Variants in CNTNAP5 observed in about 807,000 individuals in gnomAD.
The protein encoded by CNTNAP5 is contactin-associated protein-like 5.
Under a neutral mutation model 150.2 loss-of-function variants are expected in CNTNAP5, and 72 were observed. The ratio of observed to expected loss-of-function variants is 0.48; its 90% confidence interval spans 0.40 to 0.58. The LOEUF is 0.58. Ranked by LOEUF, CNTNAP5 falls within the 20% of genes least tolerant of loss-of-function variation. The pLI, the probability that CNTNAP5 is intolerant of heterozygous loss-of-function variation, is 0.00. For synonymous variants in CNTNAP5, 672 were observed against 619.8 expected, an observed-to-expected ratio of 1.08 and a Z score of -1.25; for missense variants, 1,636 against 1,626.2, an observed-to-expected ratio of 1.01 and a Z score of -0.10.
intron 1 of CNTNAP5, among the ~76,000 whole-genome samples, chr2:124,075,184 C>A (rs935213231): frequency 1.3e-5 from 2 of 152,066 alleles, no homozygotes; most frequent in African/African-American, 4.8e-5. Flanking sequence ...TGTTTCATTT[C>A]TTTATTAAAA....
chr2:124,704,539 TATATC>T, intron 13 of CNTNAP5, among the ~76,000 whole-genome samples: 1 of 152,350 alleles, frequency 6.6e-6, no homozygotes, highest in African/African-American at 2.4e-5. Context: ...CAGAATGTGT[TATATC>T]ATAGGGAAGT....
intron 3 of CNTNAP5, among the ~76,000 whole-genome samples, chr2:124,364,993 T>TA (rs1358633157): frequency 6.6e-6 from 1 of 152,110 alleles, no homozygotes; most frequent in African/African-American, 2.4e-5. Context: ...AGTTAATCAC[T>TA]AAAAAACTAT....
At chr2:124,292,148 A>G (rs1300481236) in intron 3 of CNTNAP5, among the ~76,000 whole-genome samples, 1 of 152,082 alleles carries the variant, frequency 6.6e-6, no homozygotes, top group Non-Finnish European at 1.5e-5. Context: ...GAAAAATTAC[A>G]TATTTTTTCC....
chr2:124,717,930 T>C lies in CNTNAP5; in HGVS notation c.2078-29299T>C, dbSNP rs370997720. ...TCCACAATAAAAACTAGATACCTATTATGGGCAAGGACACCTGAAGTCCAA... is the reference window on the plus strand; with the variant it reads ...TCCACAATAAAAACTAGATACCTATCATGGGCAAGGACACCTGAAGTCCAA... On this transcript the variant is annotated intron_variant, in intron 13 of 23. Transcript: ENST00000682447. 2.6e-5 allele frequency among the ~76,000 whole-genome samples: 4 copies of C among 152,182 alleles called. No individual in the cohort carries two copies. The South Asian group carries it at 6.2e-4, about 24-fold the overall frequency.
chr2:124,050,513 A>G (rs1681668412), intron 1 of CNTNAP5, among the ~76,000 whole-genome samples: 1 of 152,100 alleles, frequency 6.6e-6, no homozygotes, highest in Non-Finnish European at 1.5e-5. Flanking sequence ...TGTTAGCAAG[A>G]TCTTAGAAAG....
At chr2:124,118,193 T>A (rs981911434) in intron 1 of CNTNAP5, among the ~76,000 whole-genome samples, 3 of 152,142 alleles carry the variant, frequency 2.0e-5, no homozygotes, top group Non-Finnish European at 4.4e-5. Flanking sequence ...TCTTTTTATA[T>A]ATTTGTGTTT....
In CNTNAP5 at chr2:124,705,517, G is replaced by A. The variant is rs556037818; in HGVS notation, c.2078-41712G>A. 3.0e-4 allele frequency among the ~76,000 whole-genome samples: 45 copies of A among 149,992 alleles called. 1 individual carries two copies. The highest frequency in any genetic ancestry group is 2.4e-3 in the South Asian group (11 of 4,642). ...CACTACAGCCTGAGTGACAGAGAGA[G>A]ACTCCATCTCAAAAAAATAAAAATA... On this transcript the variant is annotated intron_variant, in intron 13 of 23. Coordinates refer to ENST00000682447, the MANE Select transcript of CNTNAP5 (RefSeq NM_001367498.1).
intron 2 of CNTNAP5, among the ~76,000 whole-genome samples, chr2:124,228,182 C>T (rs1276638974): frequency 1.3e-5 from 2 of 152,026 alleles, no homozygotes; most frequent in Non-Finnish European, 2.9e-5. Flanking sequence ...CCCAAGGACC[C>T]AAGAACCTGG....
intron 3 of CNTNAP5, among the ~76,000 whole-genome samples, chr2:124,379,205 T>C (rs969328417): frequency 1.3e-5 from 2 of 151,936 alleles, no homozygotes; most frequent in Non-Finnish European, 2.9e-5. Context: ...TCACAGTTTA[T>C]ATAAGGGTGT....
Position 124,510,265 on chromosome 2 carries a change from C to CTATATCTATATA in CNTNAP5, c.1327+5714_1327+5715insCTATATATATAT, listed in dbSNP as rs1558933173. Among the ~76,000 whole-genome samples, 859 of 86,788 alleles carry CTATATCTATATA rather than the reference C, an allele frequency of 9.9e-3. 14 individuals are homozygous for CTATATCTATATA. Among genetic ancestry groups the CTATATCTATATA allele is most frequent in the Middle Eastern group, 0.031 (6 of 192 alleles). 56.9% of individuals were successfully genotyped at this position (86,788 alleles called of 152,430 possible). On this transcript the variant is annotated intron_variant, in intron 8 of 23. Transcript: ENST00000682447. ...TATATCTATATCTATATCTATATAT[C>CTATATCTATATA]TATATATCTATATCTATATCTATAT...
intron 14 of CNTNAP5, 85 bp downstream of exon 14, chr2:124,747,470 T>A (rs1422750061): frequency 1.3e-6 from 2 of 1,504,118 alleles, no homozygotes; most frequent in Non-Finnish European, 1.8e-6. Context: ...AGGACATGGA[T>A]GAGAAATTCA....
chr2:124,185,450 G>T (rs1328809857), intron 1 of CNTNAP5, among the ~76,000 whole-genome samples: 1 of 152,152 alleles, frequency 6.6e-6, no homozygotes, highest in Non-Finnish European at 1.5e-5. Context: ...GGAAGAGCCA[G>T]AAATAAATTA....
chr2:124,785,133 A>C (rs1178546539), intron 17 of CNTNAP5, among the ~76,000 whole-genome samples: 3 of 152,122 alleles, frequency 2.0e-5, no homozygotes, highest in Non-Finnish European at 4.4e-5. Flanking sequence ...TTCTTCTAAA[A>C]TTACAGTGAA....
At chr2:124,129,284 G>T (rs982590791) in intron 1 of CNTNAP5, among the ~76,000 whole-genome samples, 1 of 152,108 alleles carries the variant, frequency 6.6e-6, no homozygotes, top group East Asian at 1.9e-4. Flanking sequence ...TTCTCCAGAG[G>T]TAGTCACACT....
At chr2:124,196,282 A>C (rs538404620) in intron 1 of CNTNAP5, among the ~76,000 whole-genome samples, 4 of 152,104 alleles carry the variant, frequency 2.6e-5, no homozygotes, top group Non-Finnish European at 4.4e-5. Flanking sequence ...ACTGGAGTGG[A>C]TTTTCAATCC....
chr2:124,139,263 A>AAC (rs3063402), intron 1 of CNTNAP5, among the ~76,000 whole-genome samples: 30,262 of 149,154 alleles, frequency 0.2, 3,031 homozygotes, highest in Middle Eastern at 0.28. Flanking sequence ...TTTCTACCCC[A>AAC]ACACACACAC....
chr2:124,028,794 T>C (rs1019147276), intron 1 of CNTNAP5, among the ~76,000 whole-genome samples: 9 of 152,168 alleles, frequency 5.9e-5, no homozygotes, highest in African/African-American at 2.2e-4. Flanking sequence ...ATACCTATTA[T>C]GTTATTCAAC....
chr2:124,349,877 T>C (rs1250765390), intron 3 of CNTNAP5, among the ~76,000 whole-genome samples: 13 of 56,718 alleles, frequency 2.3e-4, no homozygotes, highest in African/African-American at 8.3e-4. Context: ...GCTATTTCTT[T>C]TTTTTTTTTT....
At chr2:124,710,020 A>T (rs1404641311) in intron 13 of CNTNAP5, among the ~76,000 whole-genome samples, 2 of 152,096 alleles carry the variant, frequency 1.3e-5, no homozygotes, top group East Asian at 3.9e-4. Context: ...TTACAAAAAA[A>T]GTGGTCCCGG....
Sources: allele counts gnomAD v4.1 joint callset (sites outside exome capture counted in the v4.1 genomes callset), GRCh38; gene constraint gnomAD v4.1.1; transcripts MANE v1.5; gene names NCBI Gene and HGNC (gene_info 2026-07-23, HGNC 2026-07-21).